LZIC: variants seen among roughly 807,000 people sequenced by gnomAD.
The protein encoded by LZIC is leucine zipper and CTNNBIP1 domain containing, also known as protein LZIC.
Under a neutral mutation model 25.4 loss-of-function variants are expected in LZIC, and 28 were observed. The observed-to-expected ratio is 1.10, with a 90% CI of 0.82 to 1.51. The LOEUF (loss-of-function observed/expected upper bound fraction) is 1.51. LZIC is among the 40% of genes most tolerant of loss of function. The pLI is 0.00. For missense variants in LZIC, 170 were observed against 211.1 expected, an observed-to-expected ratio of 0.81 and a Z score of 1.21; for synonymous variants, 65 against 70.7, an observed-to-expected ratio of 0.92 and a Z score of 0.40.
intron 2 of LZIC, among the ~76,000 whole-genome samples, chr1:9,941,230 C>T (rs951986391): frequency 1.3e-5 from 2 of 151,876 alleles, no homozygotes; most frequent in Non-Finnish European, 2.9e-5. Flanking sequence ...TGGCGTCTCA[C>T]GGTCACCCAG....
chr1:9,942,340 T>G (rs950985583), intron 2 of LZIC, among the ~76,000 whole-genome samples: 1 of 152,214 alleles, frequency 6.6e-6, no homozygotes, highest in Non-Finnish European at 1.5e-5. Flanking sequence ...TCTCTCAGCT[T>G]TCTCAGTACC....
chr1:9,934,611 C>T, intron 5 of LZIC, 151 bp downstream of exon 5: 1 of 686,082 alleles, frequency 1.5e-6, no homozygotes, highest in Non-Finnish European at 2.6e-6. Flanking sequence ...TCATTATCAA[C>T]TATAATTGCT....
intron 1 of LZIC, 173 bp from the exon 2 acceptor site, chr1:9,942,955 G>A: frequency 2.8e-6 from 1 of 352,520 alleles, no homozygotes. Context: ...GAGGCCGAGA[G>A]GGTCTTTGAG....
downstream of LZIC, among the ~76,000 whole-genome samples, chr1:9,925,077 C>T (rs1189378360): frequency 6.6e-6 from 1 of 151,102 alleles, no homozygotes; most frequent in Non-Finnish European, 1.5e-5. Context: ...TTTGGGAGGC[C>T]GAGGTGGGCA....
At chr1:9,924,772 A>G (rs1639939384), downstream of LZIC, among the ~76,000 whole-genome samples, 1 of 152,206 alleles carries the variant, frequency 6.6e-6, no homozygotes, top group African/African-American at 2.4e-5. Flanking sequence ...AAACAACAAC[A>G]ACAAAATTAA....
downstream of LZIC, among the ~76,000 whole-genome samples, chr1:9,922,533 G>A (rs139533162): frequency 4.4e-3 from 666 of 152,312 alleles, 7 homozygotes; most frequent in African/African-American, 0.015. Flanking sequence ...ATAAAAAGGC[G>A]CTTACATAGC....
chr1:9,924,592 G>A (rs1319187700), downstream of LZIC, among the ~76,000 whole-genome samples: 1 of 152,072 alleles, frequency 6.6e-6, no homozygotes, highest in African/African-American at 2.4e-5. Flanking sequence ...CTGACCTTGT[G>A]ATCCGCCCAC....
At chr1:9,923,446 G>C (rs557143105), downstream of LZIC, among the ~76,000 whole-genome samples, 24 of 151,334 alleles carry the variant, frequency 1.6e-4, 1 homozygote, top group South Asian at 4.4e-3. Context: ...CTGACCTTAG[G>C]TGATCAGCCT....
chr1:9,940,102 G>A (rs530455354), intron 2 of LZIC, among the ~76,000 whole-genome samples: 2 of 151,842 alleles, frequency 1.3e-5, no homozygotes, highest in African/African-American at 4.8e-5. Flanking sequence ...CTGGGAGACA[G>A]AGTGAGACTC....
rs151179660 is a variant in LZIC, at chr1:9,942,500, G to T, written c.-9+124C>A. The T allele has an allele frequency of 2.1e-5, 7 of 330,018 alleles. No individual in the cohort carries two copies. In the East Asian group the frequency reaches 5.3e-4, roughly 25 times the overall value. 20.4% of individuals were successfully genotyped at this position (330,018 alleles called of 1,614,324 possible). A position where few individuals can be genotyped will look rare whatever the true frequency, so the allele number is the denominator to read the frequency against. On this transcript the variant is annotated intron_variant, in intron 2 of 7. Transcript: ENST00000377223. ...ACTACATTAGTTGAGATTTATCCCC[G>T]AAAGATTAACTCGTTGGCACCACCT...
chr1:9,931,927 T>G lies in LZIC; in HGVS notation c.478A>C (p.Ile160Leu). ...GAGACTTTCTCAAACTGGCTGAGTA[T>G]AGCACCTGCATTTGCTGACAAGAAG... ...EAFLSANAGA[I>L]LSQFEKVSTD... The change falls in exon 7 of 8, where the codon ATA (isoleucine) becomes CTA (leucine). Residue 160 changes from isoleucine to leucine, a missense_variant. Coordinates refer to ENST00000377223, the MANE Select transcript of LZIC (RefSeq NM_032368.5). 1.2e-6 allele frequency: 2 copies of G among 1,613,952 alleles called. No individual in the cohort carries two copies. The highest frequency in any genetic ancestry group is 2.7e-5 in the African/African-American group (2 of 75,038).
rs1640124108 is a variant in LZIC at position 9,929,527 on chromosome 1, G to C, written c.*872C>G. On this transcript the variant is annotated 3_prime_UTR_variant, in exon 8 of 8. Coordinates refer to ENST00000377223, the MANE Select transcript of LZIC (RefSeq NM_032368.5). ...TAACAGCTGACAGTTACCCCCCTCTGAGTGTGACAAGAGGTCACGCACAGG... is the reference window on the plus strand; with the variant it reads ...TAACAGCTGACAGTTACCCCCCTCTCAGTGTGACAAGAGGTCACGCACAGG... 1.0e-6 allele frequency: 1 copy of C among 985,238 alleles called. No homozygotes were observed. Among genetic ancestry groups the C allele is most frequent in the South Asian group, 4.7e-5 (1 of 21,286 alleles). 61.0% of individuals were successfully genotyped at this position (985,238 alleles called of 1,614,324 possible). A position where few individuals can be genotyped will look rare whatever the true frequency, so the allele number is the denominator to read the frequency against.
Position 9,929,791 on chromosome 1 carries a change from T to G in LZIC, c.*608A>C, listed in dbSNP as rs1483996666. The G allele has an allele frequency of 3.1e-6, 3 of 981,052 alleles. No homozygotes were observed. Among genetic ancestry groups the G allele is most frequent in the African/African-American group, 3.5e-5 (2 of 57,102 alleles). The allele number at this position is 981,052 out of a possible 1,614,324, so 60.8% of individuals were successfully genotyped here. On this transcript the variant is annotated 3_prime_UTR_variant, in exon 8 of 8. Transcript: ENST00000377223. The stretch of plus-strand genomic sequence containing the variant: ...TGACTTGCACAAATAGTGTTAATTA[T>G]TTTTTTTAAATGGTACAGAAATAAA...
chr1:9,924,481 A>G (rs1455309344), downstream of LZIC, among the ~76,000 whole-genome samples: 2 of 151,818 alleles, frequency 1.3e-5, no homozygotes, highest in East Asian at 1.9e-4. Flanking sequence ...CAGCCTCCCA[A>G]ATAGCTGGGA....
intron 2 of LZIC, among the ~76,000 whole-genome samples, chr1:9,938,010 CA>C (rs1195202190): frequency 1.3e-5 from 2 of 151,912 alleles, no homozygotes; most frequent in Non-Finnish European, 2.9e-5. Flanking sequence ...TAGAAGTCTT[CA>C]TTATTGGTCT....
chr1:9,925,721 C>G (rs953455181), downstream of LZIC, among the ~76,000 whole-genome samples: 3 of 151,884 alleles, frequency 2.0e-5, no homozygotes, highest in Non-Finnish European at 4.4e-5. Context: ...TCCTGAGTAG[C>G]TGGGATTACA....
At chr1:9,923,084 G>C (rs1639901532), downstream of LZIC, among the ~76,000 whole-genome samples, 1 of 152,158 alleles carries the variant, frequency 6.6e-6, no homozygotes, top group Non-Finnish European at 1.5e-5. Context: ...GAAAAGACAG[G>C]AGTAACAGAA....
intron 2 of LZIC, among the ~76,000 whole-genome samples, chr1:9,940,144 A>G (rs1640645358): frequency 6.6e-6 from 1 of 151,738 alleles, no homozygotes; most frequent in South Asian, 2.1e-4. Flanking sequence ...ACAAAAAACA[A>G]ACCACAAAAC....
At chr1:9,933,307 T>A (rs1463108559) in intron 5 of LZIC, among the ~76,000 whole-genome samples, 6 of 103,564 alleles carry the variant, frequency 5.8e-5, no homozygotes, top group Admixed American at 1.0e-4. Flanking sequence ...TATATACACA[T>A]ACATATAGCT....
Sources: allele counts gnomAD v4.1 joint callset (sites outside exome capture counted in the v4.1 genomes callset), GRCh38; gene constraint gnomAD v4.1.1; transcripts MANE v1.5; gene names NCBI Gene and HGNC (gene_info 2026-07-23, HGNC 2026-07-21).